Variants in NUP153 observed in about 807,000 individuals in gnomAD.
NUP153 encodes the protein nuclear pore complex protein Nup153.
In NUP153, 27 loss-of-function variants were observed where a neutral mutation model predicts 134.6. That is an observed-to-expected ratio of 0.20 (90% CI 0.15 to 0.28). The LOEUF is 0.28. NUP153 is among the 10% of genes least tolerant of loss of function. NUP153 has a pLI of 1.00. For synonymous variants in NUP153, 640 were observed against 623.5 expected (o/e 1.03, Z -0.40); for missense variants, 1,821 against 1,731.3 (o/e 1.05, Z -0.92).
rs965057065 is a variant in NUP153 at position 17,615,396 on chromosome 6, T to C, written c.*701A>G. 1.2e-4 allele frequency: 18 copies of C among 152,724 alleles called. No individual in the cohort carries two copies. Among genetic ancestry groups the C allele is most frequent in the African/African-American group, 3.1e-4 (13 of 41,570 alleles). The allele number at this position is 152,724 out of a possible 1,614,324, so 9.5% of individuals were successfully genotyped here. ...AATTCAAATTTCAAGTTCACAGATT[T>C]ATGTTATGCCAAAAAGTACAGAAAC... On this transcript the variant is annotated 3_prime_UTR_variant, in exon 22 of 22. Transcript: ENST00000262077. This position sits in a 1 kb window ranked among gnomAD's most constrained non-coding sequence, Gnocchi z 5.7.
chr6:17,694,390 G>A (rs1769492611), intron 1 of NUP153, among the ~76,000 whole-genome samples: 1 of 152,146 alleles, frequency 6.6e-6, no homozygotes, highest in African/African-American at 2.4e-5. Flanking sequence ...TGGGCCCGGT[G>A]GCTCACGCCT....
At chr6:17,657,407 A>T (rs1165718609) in intron 11 of NUP153, among the ~76,000 whole-genome samples, 8 of 151,390 alleles carry the variant, frequency 5.3e-5, no homozygotes, top group Non-Finnish European at 8.8e-5. Flanking sequence ...AAAATAAAAA[A>T]AAAAAAAATA....
chr6:17,650,173 A>G (rs897434296), intron 11 of NUP153, among the ~76,000 whole-genome samples: 1 of 152,232 alleles, frequency 6.6e-6, no homozygotes, highest in African/African-American at 2.4e-5. Context: ...CTGAAGGCAC[A>G]AGAGCAACCA....
chr6:17,651,904 G>T (rs1766512221), intron 11 of NUP153: 2 of 675,068 alleles, frequency 3.0e-6, no homozygotes, highest in African/African-American at 1.8e-5. Context: ...GATCAGCTTG[G>T]GCAATACGGT....
rs180974788 is a variant in NUP153, at chr6:17,645,317, T to A, written c.1720+750A>T. On this transcript the variant is annotated intron_variant, in intron 14 of 21. Coordinates refer to ENST00000262077, the MANE Select transcript of NUP153 (RefSeq NM_005124.4). Reference sequence around the variant, plus strand: ...TTCATTTCTTTCTTTTTTTTTGAGATAGGGTCTTGCTCTGTCAGCCAGCTG... The same window carrying A: ...TTCATTTCTTTCTTTTTTTTTGAGAAAGGGTCTTGCTCTGTCAGCCAGCTG... Among the ~76,000 whole-genome samples the A allele has an allele frequency of 9.9e-5, 15 of 151,926 alleles. No individual in the cohort carries two copies. The East Asian group carries it at 2.3e-3, about 24-fold the overall frequency.
intron 14 of NUP153, among the ~76,000 whole-genome samples, chr6:17,640,991 TAA>T (rs763782177): frequency 6.6e-6 from 1 of 152,200 alleles, no homozygotes; most frequent in Non-Finnish European, 1.5e-5. Flanking sequence ...TGTTTACATC[TAA>T]AGAGTAATGG....
intron 13 of NUP153, among the ~76,000 whole-genome samples, chr6:17,647,217 G>A (rs1056975936): frequency 1.3e-5 from 2 of 152,096 alleles, no homozygotes; most frequent in Non-Finnish European, 2.9e-5. Flanking sequence ...ATATAAACAT[G>A]CCAAATCTGG....
chr6:17,626,518 T>C (rs1210134497), intron 18 of NUP153, among the ~76,000 whole-genome samples: 1 of 152,236 alleles, frequency 6.6e-6, no homozygotes, highest in Non-Finnish European at 1.5e-5. Context: ...TTGCAATTTA[T>C]ATTACAGTAT....
chr6:17,665,353 A>C lies in NUP153; in HGVS notation c.1101T>G (p.Leu367=), dbSNP rs749931983. ...VDSQYPPVQR[L]MTPKPVSIAT... ...CTATGGAAACTGGCTTTGGGGTCAT[A>C]AGTCTCTGAACAGGAGGATATTGAG... Residue 367 remains leucine (L), a synonymous_variant, in exon 9 of 22, where the codon CTT becomes CTG. Transcript: ENST00000262077. 1 of 1,613,536 alleles carries C rather than the reference A, an allele frequency of 6.2e-7. No homozygotes were observed.
chr6:17,626,153 C>A lies in NUP153; in HGVS notation c.3556G>T (p.Ala1186Ser). ...TTCAAGAAACTAAAAACTGGCTTTG[C>A]TGCACCTTGATCTGTAAGACAGAAA... ...QTSTTADQGA[A>S]KPVFSFLNNS... is the part of the protein sequence containing the mutation. The change falls in exon 19 of 22, where the codon GCA becomes TCA. Residue 1186 changes from alanine (A) to serine (S), a missense_variant. Transcript: ENST00000262077. The A allele has an allele frequency of 1.2e-6, 2 of 1,611,244 alleles. No individual in the cohort carries two copies. Among genetic ancestry groups the A allele is most frequent in the Non-Finnish European group, 1.7e-6 (2 of 1,178,906 alleles).
At chr6:17,635,915 T>C (rs1264752345) in intron 16 of NUP153, among the ~76,000 whole-genome samples, 1 of 152,258 alleles carries the variant, frequency 6.6e-6, no homozygotes, top group Non-Finnish European at 1.5e-5. Flanking sequence ...AACAAATTAC[T>C]TCCTGACTCA....
intron 16 of NUP153, among the ~76,000 whole-genome samples, chr6:17,633,634 CAG>C: frequency 6.6e-6 from 1 of 152,282 alleles, no homozygotes; most frequent in Non-Finnish European, 1.5e-5. Context: ...AAAGGATACA[CAG>C]AGGTGACAAA....
intron 2 of NUP153, among the ~76,000 whole-genome samples, chr6:17,686,373 CTTAA>C (rs1422678080): frequency 6.6e-6 from 1 of 151,682 alleles, no homozygotes; most frequent in Non-Finnish European, 1.5e-5. Flanking sequence ...GTGCGCATGT[CTTAA>C]TTGTTAACAA....
intron 1 of NUP153, among the ~76,000 whole-genome samples, chr6:17,696,100 C>G (rs2113859490): frequency 6.6e-6 from 1 of 152,222 alleles, no homozygotes; most frequent in East Asian, 1.9e-4. Flanking sequence ...TGCACTCCAG[C>G]CTGGGTGACA....
chr6:17,693,183 T>TACACACACACACACACACACAC lies in NUP153; in HGVS notation c.112-4587_112-4566dup, dbSNP rs67348223. ...CTTTTCTTAAAATTTAGCTTTTTCC[T>TACACACACACACACACACACAC]ACACACACACACACACACACACACA... On this transcript the variant is annotated intron_variant, in intron 1 of 21. Transcript: ENST00000262077. Among the ~76,000 whole-genome samples, 56 of 145,930 alleles carry TACACACACACACACACACACAC rather than the reference T, an allele frequency of 3.8e-4. 1 individual carries two copies. Among genetic ancestry groups the TACACACACACACACACACACAC allele is most frequent in the African/African-American group, 1.1e-3 (44 of 39,288 alleles).
intron 13 of NUP153, among the ~76,000 whole-genome samples, chr6:17,647,457 AT>A (rs1365343566): frequency 2.6e-5 from 4 of 152,228 alleles, no homozygotes; most frequent in African/African-American, 7.2e-5. Flanking sequence ...GGAAATCTGA[AT>A]ATGGACCATG....
chr6:17,671,399 T>A (rs747159746), intron 5 of NUP153, among the ~76,000 whole-genome samples: 35 of 152,184 alleles, frequency 2.3e-4, no homozygotes, highest in Non-Finnish European at 4.4e-4. Flanking sequence ...TTCTTAAATG[T>A]TTGGTAGGAT....
chr6:17,617,928 T>C (rs529874028), intron 20 of NUP153, among the ~76,000 whole-genome samples: 28 of 152,170 alleles, frequency 1.8e-4, no homozygotes, highest in Non-Finnish European at 3.7e-4. Flanking sequence ...GTTTTAGTCT[T>C]TGTAGAAGTG....
At chr6:17,667,832 T>C (rs931231297) in intron 8 of NUP153, among the ~76,000 whole-genome samples, 1 of 152,132 alleles carries the variant, frequency 6.6e-6, no homozygotes, top group Admixed American at 6.5e-5. Flanking sequence ...AAACATTGTA[T>C]TTTTTTCCCA....
Sources: allele counts gnomAD v4.1 joint callset (sites outside exome capture counted in the v4.1 genomes callset), GRCh38; gene constraint gnomAD v4.1.1; non-coding constraint Gnocchi (gnomAD v3.1); transcripts MANE v1.5; gene names NCBI Gene and HGNC (gene_info 2026-07-23, HGNC 2026-07-21).